NUDT3: variants seen among roughly 807,000 people sequenced by gnomAD.
NUDT3 encodes diphosphoinositol polyphosphate phosphohydrolase 1.
In NUDT3, 9 loss-of-function variants were observed where a neutral mutation model predicts 23.6. The observed-to-expected ratio is 0.38, with a 90% CI of 0.23 to 0.66. The LOEUF (loss-of-function observed/expected upper bound fraction) is 0.66. NUDT3 is among the 30% of genes least tolerant of loss of function. NUDT3 has a pLI of 0.52. For synonymous variants in NUDT3, 86 were observed against 82.6 expected, an observed-to-expected ratio of 1.04 and a Z score of -0.22; for missense variants, 172 against 218.5, an observed-to-expected ratio of 0.79 and a Z score of 1.34.
intron 1 of NUDT3, among the ~76,000 whole-genome samples, chr6:34,354,436 C>CACAT (rs1764528308): frequency 6.6e-6 from 1 of 150,860 alleles, no homozygotes; most frequent in African/African-American, 2.4e-5. Context: ...CACATACACA[C>CACAT]TCTTGGCCGG....
At chr6:34,306,553 G>A (rs1433499986) in intron 2 of NUDT3, among the ~76,000 whole-genome samples, 2 of 152,222 alleles carry the variant, frequency 1.3e-5, no homozygotes, top group Non-Finnish European at 2.9e-5. Context: ...GAGCTGGATG[G>A]AAAAGCAAAC....
chr6:34,303,465 T>C (rs1473421895), intron 2 of NUDT3, among the ~76,000 whole-genome samples: 2 of 152,166 alleles, frequency 1.3e-5, no homozygotes, highest in African/African-American at 4.8e-5. Flanking sequence ...CTTGTCTTAA[T>C]TGCAGTGGCT....
intron 2 of NUDT3, among the ~76,000 whole-genome samples, chr6:34,323,503 G>A (rs550142714): frequency 6.6e-5 from 10 of 152,190 alleles, no homozygotes; most frequent in South Asian, 4.1e-4. Context: ...GGCGGTAGAC[G>A]TGACAGTAAG....
chr6:34,350,006 G>A (rs1158913083), intron 1 of NUDT3, among the ~76,000 whole-genome samples: 1 of 150,236 alleles, frequency 6.7e-6, no homozygotes, highest in Middle Eastern at 3.4e-3. Context: ...GGAGAATGGC[G>A]TGAATCCGGG....
chr6:34,375,582 A>T (rs1764909142), intron 1 of NUDT3, among the ~76,000 whole-genome samples: 1 of 152,144 alleles, frequency 6.6e-6, no homozygotes, highest in Non-Finnish European at 1.5e-5. Context: ...AAATCACCAG[A>T]TCAGTATATT....
At chr6:34,329,501 G>C (rs555557420) in intron 2 of NUDT3, among the ~76,000 whole-genome samples, 3 of 152,126 alleles carry the variant, frequency 2.0e-5, no homozygotes, top group African/African-American at 7.2e-5. Context: ...GGCTGGTCAC[G>C]AACTCCTGAC....
Position 34,322,450 on chromosome 6 carries a change from T to C in NUDT3, c.210+19412A>G, listed in dbSNP as rs75451343. ...TTCACTGTGTTAGCCAGGATGGTCTTGATCTCCTGACCTTGTGATCCGCCC... is the reference window on the plus strand; with the variant it reads ...TTCACTGTGTTAGCCAGGATGGTCTCGATCTCCTGACCTTGTGATCCGCCC... On this transcript the variant is annotated intron_variant, in intron 2 of 4. Transcript: ENST00000607016. 4.0e-3 allele frequency among the ~76,000 whole-genome samples: 552 copies of C among 137,626 alleles called. 3 individuals are homozygous for C. Among genetic ancestry groups the C allele is most frequent in the East Asian group, 0.038 (198 of 5,146 alleles). The allele number at this position is 137,626 out of a possible 152,430, so 90.3% of individuals were successfully genotyped here. A position where few individuals can be genotyped will look rare whatever the true frequency, so the allele number is the denominator to read the frequency against.
At chr6:34,295,934 T>C (rs1763492696) in intron 2 of NUDT3, among the ~76,000 whole-genome samples, 1 of 152,076 alleles carries the variant, frequency 6.6e-6, no homozygotes. Flanking sequence ...ACTGCAAAGC[T>C]AGCCAAGCAG....
intron 2 of NUDT3, among the ~76,000 whole-genome samples, chr6:34,324,172 C>T (rs1384203914): frequency 3.3e-5 from 5 of 151,954 alleles, no homozygotes; most frequent in Admixed American, 6.6e-5. Flanking sequence ...CTGGCCAACA[C>T]GGGAAACCCC....
intron 2 of NUDT3, among the ~76,000 whole-genome samples, chr6:34,309,056 G>A (rs1252272039): frequency 6.6e-6 from 1 of 152,164 alleles, no homozygotes; most frequent in Non-Finnish European, 1.5e-5. Flanking sequence ...TCATTAAAAT[G>A]TATGCTCTCA....
At chr6:34,337,236 C>T (rs1053135461) in intron 2 of NUDT3, among the ~76,000 whole-genome samples, 1 of 152,124 alleles carries the variant, frequency 6.6e-6, no homozygotes, top group Admixed American at 6.5e-5. Flanking sequence ...TATGATTCTC[C>T]TCTGACTGCA....
intron 1 of NUDT3, among the ~76,000 whole-genome samples, chr6:34,377,614 A>G (rs1764945572): frequency 6.6e-6 from 1 of 151,438 alleles, no homozygotes; most frequent in African/African-American, 2.4e-5. Flanking sequence ...CGGACAGATC[A>G]TTTGAGGCCA....
chr6:34,391,818 G>C (rs907509193), intron 1 of NUDT3, among the ~76,000 whole-genome samples: 1 of 141,424 alleles, frequency 7.1e-6, no homozygotes, highest in Non-Finnish European at 1.5e-5. Context: ...TGCCAATGAA[G>C]TGCACTATTT....
At chr6:34,360,762 C>T (rs1359291241) in intron 1 of NUDT3, among the ~76,000 whole-genome samples, 9 of 151,390 alleles carry the variant, frequency 5.9e-5, no homozygotes, top group Non-Finnish European at 1.0e-4. Flanking sequence ...TACTACATAC[C>T]AAGTGAATGA....
chr6:34,378,103 T>C (rs2113765342), intron 1 of NUDT3, among the ~76,000 whole-genome samples: 1 of 151,588 alleles, frequency 6.6e-6, no homozygotes, highest in South Asian at 2.1e-4. Flanking sequence ...TCCCAGGAGT[T>C]TGAGACTAGC....
chr6:34,343,520 C>T (rs561038521), intron 1 of NUDT3, among the ~76,000 whole-genome samples: 3 of 150,532 alleles, frequency 2.0e-5, no homozygotes, highest in South Asian at 2.1e-4. Context: ...CAGCCTAGGC[C>T]ACAGAGTGAG....
chr6:34,387,987 T>TGC (rs1765136298), intron 1 of NUDT3, among the ~76,000 whole-genome samples: 1 of 152,180 alleles, frequency 6.6e-6, no homozygotes, highest in Non-Finnish European at 1.5e-5. Flanking sequence ...TCATAATAAG[T>TGC]GTCCTGGTCA....
In NUDT3 at chr6:34,285,976, C is replaced by A. The variant is rs895598242; in HGVS notation, c.*2777G>T. On this transcript the variant is annotated 3_prime_UTR_variant, in exon 5 of 5. Coordinates refer to ENST00000607016, the MANE Select transcript of NUDT3 (RefSeq NM_006703.4). ...CTGACCCAAAGACACCAACAACAAT[C>A]AAAACTGCACTTTCAGGGTAGTATA... is the stretch of plus-strand genomic sequence containing the variant. 6.6e-6 allele frequency: 1 copy of A among 152,206 alleles called. No individual in the cohort carries two copies. The highest frequency in any genetic ancestry group is 1.5e-5 in the Non-Finnish European group (1 of 68,044). 9.4% of individuals were successfully genotyped at this position (152,206 alleles called of 1,614,324 possible). A position where few individuals can be genotyped will look rare whatever the true frequency, so the allele number is the denominator to read the frequency against.
At chr6:34,356,577 G>C (rs1304523743) in intron 1 of NUDT3, among the ~76,000 whole-genome samples, 2 of 152,008 alleles carry the variant, frequency 1.3e-5, no homozygotes, top group Non-Finnish European at 2.9e-5. Context: ...CAACAGACTA[G>C]AATATCAAAT....
Sources: allele counts gnomAD v4.1 joint callset (sites outside exome capture counted in the v4.1 genomes callset), GRCh38; gene constraint gnomAD v4.1.1; transcripts MANE v1.5; gene names NCBI Gene and HGNC (gene_info 2026-07-23, HGNC 2026-07-21).